The following TENM3 variants were observed in gnomAD, a reference collection of about 807,000 sequenced individuals.
The protein encoded by TENM3 is teneurin-3.
In TENM3, 63 loss-of-function variants were observed where a neutral mutation model predicts 255.1. That is an observed-to-expected ratio of 0.25 (90% CI 0.20 to 0.30). The LOEUF is 0.30. TENM3 is among the 10% of genes least tolerant of loss of function. The probability of loss-of-function intolerance (pLI) is 1.00; values close to 1 mark genes in which losing one functional copy is unlikely to be tolerated. For missense variants in TENM3, 2,929 were observed against 3,461.1 expected, an observed-to-expected ratio of 0.85 and a Z score of 3.86; for synonymous variants, 1,306 against 1,322.3, an observed-to-expected ratio of 0.99 and a Z score of 0.27.
At chr4:181,993,850 G>T in the TENM3 span, among the ~76,000 whole-genome samples, 2 of 151,986 alleles carry the variant, frequency 1.3e-5, no homozygotes, top group African/African-American at 2.4e-5. Context: ...GCTGCCCGTT[G>T]GTTCTCTGGA....
At chr4:181,502,049 T>C in the TENM3 span, among the ~76,000 whole-genome samples, 1 of 152,294 alleles carries the variant, frequency 6.6e-6, no homozygotes, top group South Asian at 2.1e-4. Context: ...TTTCCAGGCA[T>C]CATTGCCTTC....
In TENM3 at chr4:182,801,951, T is replaced by G. The variant is rs1363900618; in HGVS notation, c.*1600T>G. 6.5e-6 allele frequency: 1 copy of G among 152,688 alleles called. No individual in the cohort carries two copies. Among genetic ancestry groups the G allele is most frequent in the Non-Finnish European group, 1.5e-5 (1 of 68,046 alleles). The allele number at this position is 152,688 out of a possible 1,614,324, so 9.5% of individuals were successfully genotyped here. On this transcript the variant is annotated 3_prime_UTR_variant, in exon 28 of 28. Coordinates refer to ENST00000511685, the MANE Select transcript of TENM3 (RefSeq NM_001080477.4). ...CCACGAAAATATTTTTAGAAGATAT[T>G]TCTCAGTTCATCGAGCTATAGTACA...
rs557816762 is a variant in TENM3, at chr4:182,644,758, A to G, written c.989-9013A>G. ...GTTTGCAGAATAATTTTTTAATTAC[A>G]TAAGAAAGATTTAATTTTTAACATC... On this transcript the variant is annotated intron_variant, in intron 5 of 27. Coordinates refer to ENST00000511685, the MANE Select transcript of TENM3 (RefSeq NM_001080477.4). Among the ~76,000 whole-genome samples, 18 of 152,298 alleles carry G rather than the reference A, an allele frequency of 1.2e-4. No individual in the cohort carries two copies. The South Asian group carries it at 3.1e-3, about 26-fold the overall frequency.
intron 1 of TENM3, among the ~76,000 whole-genome samples, chr4:182,247,688 A>T (rs1039386152): frequency 1.7e-4 from 26 of 152,206 alleles, no homozygotes; most frequent in African/African-American, 5.3e-4. Context: ...CAAATAAGTA[A>T]ATCGCAGTAG....
At chr4:182,359,247 G>A (rs1765786040) in intron 3 of TENM3, among the ~76,000 whole-genome samples, 1 of 152,158 alleles carries the variant, frequency 6.6e-6, no homozygotes, top group Admixed American at 6.5e-5. Context: ...ATGAGTTAGG[G>A]AGGATTCTCT....
chr4:182,009,745 C>A, the TENM3 span, among the ~76,000 whole-genome samples: 1 of 152,214 alleles, frequency 6.6e-6, no homozygotes, highest in Non-Finnish European at 1.5e-5. Flanking sequence ...TGCCCCTCCC[C>A]CTGGGAGTTC....
chr4:182,110,788 T>A, the TENM3 span, among the ~76,000 whole-genome samples: 7 of 152,150 alleles, frequency 4.6e-5, no homozygotes, highest in African/African-American at 1.7e-4. Context: ...TCTCTACAGA[T>A]GTAAAAAGAT....
At chr4:181,989,868 A>G in the TENM3 span, among the ~76,000 whole-genome samples, 1 of 152,204 alleles carries the variant, frequency 6.6e-6, no homozygotes, top group Non-Finnish European at 1.5e-5. Context: ...GTAGGTCTTA[A>G]TTAGATATAG....
At chr4:182,632,279 G>A (rs1429908165) in intron 5 of TENM3, among the ~76,000 whole-genome samples, 2 of 152,120 alleles carry the variant, frequency 1.3e-5, no homozygotes, top group African/African-American at 2.4e-5. Context: ...TGGTGTGTGC[G>A]TATGTGTTCA....
chr4:181,933,177 A>G, the TENM3 span, among the ~76,000 whole-genome samples: 1 of 152,182 alleles, frequency 6.6e-6, no homozygotes, highest in Admixed American at 6.5e-5. Context: ...AAATAAAATA[A>G]GAAAATGTGT....
intron 5 of TENM3, among the ~76,000 whole-genome samples, chr4:182,640,366 A>G (rs1353422778): frequency 1.3e-5 from 2 of 152,300 alleles, no homozygotes; most frequent in African/African-American, 4.8e-5. Flanking sequence ...GGGTTTCCCA[A>G]TTTTATTCCA....
chr4:181,903,027 C>T, the TENM3 span, among the ~76,000 whole-genome samples: 1 of 152,042 alleles, frequency 6.6e-6, no homozygotes, highest in African/African-American at 2.4e-5. Context: ...GGGAAAAATG[C>T]TTCTATTCTT....
At chr4:182,293,964 T>C (rs2150337579) in intron 1 of TENM3, among the ~76,000 whole-genome samples, 1 of 152,184 alleles carries the variant, frequency 6.6e-6, no homozygotes, top group African/African-American at 2.4e-5. Context: ...TAGTGGCATG[T>C]GTGGGGAGAT....
chr4:181,729,276 G>A, the TENM3 span, among the ~76,000 whole-genome samples: 2 of 152,180 alleles, frequency 1.3e-5, no homozygotes, highest in Non-Finnish European at 2.9e-5. Context: ...AAGACACTTA[G>A]GGTTCATTGA....
At chr4:181,890,518 GC>G in the TENM3 span, among the ~76,000 whole-genome samples, 48,984 of 151,912 alleles carry the variant, frequency 0.32, 8,411 homozygotes, top group Middle Eastern at 0.42. Flanking sequence ...TAGGAATTAT[GC>G]TACTATTAAA....
rs1561183511 is a variant in TENM3 at position 182,192,128 on chromosome 4, A to G, written c.-76+47374A>G. The stretch of plus-strand genomic sequence containing the variant: ...TTATATGAAATTCAAATTGGCATCC[A>G]CAAAGAGTCTGATTGGAACACCGTT... On this transcript the variant is annotated intron_variant, in intron 1 of 2. Transcript: ENST00000512480. Among the ~76,000 whole-genome samples, 2 of 152,154 alleles carry G rather than the reference A, an allele frequency of 1.3e-5. 1 individual carries two copies. The highest frequency in any genetic ancestry group is 4.1e-4 in the South Asian group (2 of 4,832).
At chr4:182,621,743 TAATATATTATAA>T (rs1561016793) in intron 4 of TENM3, among the ~76,000 whole-genome samples, 10 of 37,102 alleles carry the variant, frequency 2.7e-4, no homozygotes, top group African/African-American at 9.3e-4. Flanking sequence ...ATATAATATA[TAATATATTATAA>T]TATATAATAA....
chr4:182,367,181 T>C (rs1766485938), intron 3 of TENM3, among the ~76,000 whole-genome samples: 1 of 152,192 alleles, frequency 6.6e-6, no homozygotes, highest in African/African-American at 2.4e-5. Context: ...CTGTTTTAAG[T>C]GTAGCAGGAC....
the TENM3 span, among the ~76,000 whole-genome samples, chr4:181,912,034 G>A: frequency 4.9e-3 from 741 of 152,266 alleles, 3 homozygotes; most frequent in African/African-American, 0.017. Flanking sequence ...ATCATACGCC[G>A]GGGATACTGT....
Sources: allele counts gnomAD v4.1 joint callset (sites outside exome capture counted in the v4.1 genomes callset), GRCh38; gene constraint gnomAD v4.1.1; transcripts MANE v1.5; gene names NCBI Gene and HGNC (gene_info 2026-07-23, HGNC 2026-07-21).